KCNQ1: variants seen among roughly 807,000 people sequenced by gnomAD.
KCNQ1 encodes potassium voltage-gated channel subfamily KQT member 1.
Under a neutral mutation model 72.4 loss-of-function variants are expected in KCNQ1, and 49 were observed. That is an observed-to-expected ratio of 0.68 (90% confidence interval 0.54 to 0.86). The LOEUF (loss-of-function observed/expected upper bound fraction) is 0.86, where lower values mean the gene tolerates loss of function less well. Ranked by LOEUF, KCNQ1 falls within the 40% of genes least tolerant of loss-of-function variation. KCNQ1 has a pLI of 0.00. For missense variants in KCNQ1, 790 were observed against 945.1 expected, an observed-to-expected ratio of 0.84 and a Z score of 2.15; for synonymous variants, 450 against 412.6, an observed-to-expected ratio of 1.09 and a Z score of -1.10.
At chr11:2,812,985 A>G (rs1413482381) in intron 15 of KCNQ1, among the ~76,000 whole-genome samples, 2 of 152,088 alleles carry the variant, frequency 1.3e-5, no homozygotes, top group Non-Finnish European at 1.5e-5. Flanking sequence ...CCAGCCTCCA[A>G]TCCCTCATTA....
At position 2,624,612 on chromosome 11, in the gene KCNQ1, T is replaced by C. The variant is rs1849232797; in HGVS notation, c.1393+35758T>C. ...CATAAAAATTACCATCCTAACCAAT[T>C]TTAGTGTACAATTCAGTGAATGTAT... On this transcript the variant is annotated intron_variant, in intron 10 of 15. Coordinates refer to ENST00000155840, the MANE Select transcript of KCNQ1 (RefSeq NM_000218.3). The surrounding 1 kb of genome is among the most constrained non-coding windows in gnomAD (Gnocchi z 4.9). The C allele has an allele frequency of 2.5e-6, 1 of 398,408 alleles. No homozygotes were observed. The highest frequency in any genetic ancestry group is 2.1e-5 in the African/African-American group (1 of 48,608). 24.7% of individuals were successfully genotyped at this position (398,408 alleles called of 1,614,324 possible). A position where few individuals can be genotyped will look rare whatever the true frequency, so the allele number is the denominator to read the frequency against.
At chr11:2,733,459 G>T (rs1042061228) in intron 11 of KCNQ1, among the ~76,000 whole-genome samples, 7 of 152,152 alleles carry the variant, frequency 4.6e-5, no homozygotes, top group Non-Finnish European at 7.4e-5. Flanking sequence ...TCCCTGGGCG[G>T]TGTCAGGCAG....
At chr11:2,693,147 A>C (rs772572769) in intron 11 of KCNQ1, 100 of 398,468 alleles carry the variant, frequency 2.5e-4, no homozygotes, top group Admixed American at 4.0e-4. Context: ...GATAGCCCTC[A>C]GTCTACACTC....
intron 1 of KCNQ1, among the ~76,000 whole-genome samples, chr11:2,514,665 A>C (rs542533579): frequency 6.6e-6 from 1 of 152,330 alleles, no homozygotes; most frequent in South Asian, 2.1e-4. Context: ...TCTCTACTAA[A>C]AATACAAAAA....
Position 2,750,106 on chromosome 11 carries a change from G to C in KCNQ1, c.1515-18738G>C, listed in dbSNP as rs2133961896. ...CTGGGTGCAGGGGCATCTTGCTGGT[G>C]AAGCTGGGGAGAGACCTGCGCAACC... On this transcript the variant is annotated intron_variant, in intron 11 of 15. Coordinates refer to ENST00000155840, the MANE Select transcript of KCNQ1 (RefSeq NM_000218.3). The surrounding 1 kb of genome is among the most constrained non-coding windows in gnomAD (Gnocchi z 6.3). 6.6e-6 allele frequency among the ~76,000 whole-genome samples: 1 copy of C among 152,350 alleles called. No homozygotes were observed. The highest frequency in any genetic ancestry group is 2.1e-4 in the South Asian group (1 of 4,828).
In KCNQ1 at chr11:2,724,093, C is replaced by G. The variant is rs940172807; in HGVS notation, c.1515-44751C>G. Among the ~76,000 whole-genome samples the G allele has an allele frequency of 2.0e-5, 3 of 152,168 alleles. No individual in the cohort carries two copies. The highest frequency in any genetic ancestry group is 2.1e-4 in the South Asian group (1 of 4,810). Reference sequence around the variant, plus strand: ...CTCCGGTGGTGCCTGGGGGCCCAGGCTTTTGATAGAGAATCACATCTGGAC... The same window carrying G: ...CTCCGGTGGTGCCTGGGGGCCCAGGGTTTTGATAGAGAATCACATCTGGAC... On this transcript the variant is annotated intron_variant, in intron 11 of 15. Coordinates refer to ENST00000155840, the MANE Select transcript of KCNQ1 (RefSeq NM_000218.3). The surrounding 1 kb of genome is among the most constrained non-coding windows in gnomAD (Gnocchi z 6.8).
intron 11 of KCNQ1, among the ~76,000 whole-genome samples, chr11:2,751,883 A>C (rs1846231920): frequency 1.3e-5 from 2 of 152,178 alleles, no homozygotes; most frequent in East Asian, 3.9e-4. Context: ...GCTTTGCCCT[A>C]TTCCCCCCAT....
rs1236478718 is a variant in KCNQ1, at chr11:2,543,951, C to T, written c.477+15933C>T. ...GGACACTCTACTGTGATCCGTTGAT[C>T]TGTCCTTTTGCCAGTCACACACTGG... On this transcript the variant is annotated intron_variant, in intron 2 of 15. Coordinates refer to ENST00000155840, the MANE Select transcript of KCNQ1 (RefSeq NM_000218.3). The surrounding 1 kb of genome is among the most constrained non-coding windows in gnomAD (Gnocchi z 5.6). Among the ~76,000 whole-genome samples the T allele has an allele frequency of 6.6e-6, 1 of 152,182 alleles. No individual in the cohort carries two copies. Among genetic ancestry groups the T allele is most frequent in the Non-Finnish European group, 1.5e-5 (1 of 68,044 alleles).
intron 15 of KCNQ1, among the ~76,000 whole-genome samples, chr11:2,780,467 C>T (rs1564890886): frequency 6.6e-6 from 1 of 152,218 alleles, no homozygotes. Flanking sequence ...CCCTGCCAAC[C>T]CCAGCCAGAG....
intron 15 of KCNQ1, among the ~76,000 whole-genome samples, chr11:2,843,066 T>TG (rs908471833): frequency 1.3e-5 from 2 of 152,168 alleles, no homozygotes; most frequent in South Asian, 2.1e-4. Flanking sequence ...TGCAGCAGTG[T>TG]GGGGGGTTCT....
Position 2,768,966 on chromosome 11 carries a change from C to A in KCNQ1, c.1590+47C>A. ...CCTGCCCTCAGCCTGCCCCTCGCAG[C>A]CTGATGCAGCTGCCCACACCTCTCC... On this transcript the variant is annotated intron_variant, in intron 12 of 15. Transcript: ENST00000155840. This position sits in a 1 kb window ranked among gnomAD's most constrained non-coding sequence, Gnocchi z 6.7. 5 of 1,443,388 alleles carry A rather than the reference C, an allele frequency of 3.5e-6. No homozygotes were observed. The highest frequency in any genetic ancestry group is 2.3e-5 in the South Asian group (2 of 87,466). The allele number at this position is 1,443,388 out of a possible 1,614,324, so 89.4% of individuals were successfully genotyped here.
At position 2,595,032 on chromosome 11, in the gene KCNQ1, G is replaced by A. The variant is rs1311051416; in HGVS notation, c.1393+6178G>A. Reference sequence around the variant, plus strand: ...GAGAAGCTGCACTTTTGCTTGTACAGGGTGACCCAGTGAACCAATCCAGGA... The same window carrying A: ...GAGAAGCTGCACTTTTGCTTGTACAAGGTGACCCAGTGAACCAATCCAGGA... On this transcript the variant is annotated intron_variant, in intron 10 of 15. Transcript: ENST00000155840. The surrounding 1 kb of genome is among the most constrained non-coding windows in gnomAD (Gnocchi z 5.0). Among the ~76,000 whole-genome samples the A allele has an allele frequency of 6.6e-6, 1 of 152,148 alleles. No homozygotes were observed. Among genetic ancestry groups the A allele is most frequent in the Non-Finnish European group, 1.5e-5 (1 of 68,018 alleles).
In KCNQ1 at chr11:2,670,932, C is replaced by A. The variant is rs1250161529; in HGVS notation, c.1514+8851C>A. The A allele has an allele frequency of 1.3e-5, 5 of 398,556 alleles. No individual in the cohort carries two copies. Among genetic ancestry groups the A allele is most frequent in the Non-Finnish European group, 2.2e-5 (5 of 226,102 alleles). The allele number at this position is 398,556 out of a possible 1,614,324, so 24.7% of individuals were successfully genotyped here. A position where few individuals can be genotyped will look rare whatever the true frequency, so the allele number is the denominator to read the frequency against. ...CCTGCCCTCCCAGGATGCAAATTGG[C>A]AGGCCCAGCTTCATGCCTTCTTATG... On this transcript the variant is annotated intron_variant, in intron 11 of 15. Transcript: ENST00000155840. The surrounding 1 kb of genome is among the most constrained non-coding windows in gnomAD (Gnocchi z 4.9).
Position 2,776,074 on chromosome 11 carries a change from A to ACCCTCCCCGCTGCCGTTT in KCNQ1, c.1685+20_1685+21insCCCTCCCCGCTGCCGTTT. ...GAGGAGGTGGGCACGGCCAAACGGC[A>ACCCTCCCCGCTGCCGTTT]GCGGGGAGGGTGCCCAGGTCCTGCC... On this transcript the variant is annotated intron_variant, in intron 13 of 15. Coordinates refer to ENST00000155840, the MANE Select transcript of KCNQ1 (RefSeq NM_000218.3). 1 of 1,544,324 alleles carries ACCCTCCCCGCTGCCGTTT rather than the reference A, an allele frequency of 6.5e-7. No individual in the cohort carries two copies. The highest frequency in any genetic ancestry group is 8.8e-7 in the Non-Finnish European group (1 of 1,142,438).
rs930587850 is a variant in KCNQ1, at chr11:2,713,315, C to T, written c.1514+51234C>T. Among the ~76,000 whole-genome samples the T allele has an allele frequency of 6.6e-6, 1 of 152,166 alleles. No homozygotes were observed. Among genetic ancestry groups the T allele is most frequent in the Non-Finnish European group, 1.5e-5 (1 of 68,034 alleles). ...CACTGCGCTTCTCAGGCCTTCTGGG[C>T]TCTTCCTCTGCTGCTCGCCATAAAA... is the stretch of plus-strand genomic sequence containing the variant. On this transcript the variant is annotated intron_variant, in intron 11 of 15. Coordinates refer to ENST00000155840, the MANE Select transcript of KCNQ1 (RefSeq NM_000218.3). The surrounding 1 kb of genome is among the most constrained non-coding windows in gnomAD (Gnocchi z 5.6).
rs1055084770 is a variant in KCNQ1 at position 2,508,964 on chromosome 11, C to T, written c.387-18964C>T. ...TGTAGAGCTCCAGCTGGATGAGGGC[C>T]GTGGGGAAGGGGCACAGCCCTGGGC... On this transcript the variant is annotated intron_variant, in intron 1 of 15. Coordinates refer to ENST00000155840, the MANE Select transcript of KCNQ1 (RefSeq NM_000218.3). The surrounding 1 kb of genome is among the most constrained non-coding windows in gnomAD (Gnocchi z 6.2). 8.5e-5 allele frequency among the ~76,000 whole-genome samples: 13 copies of T among 152,106 alleles called. No individual in the cohort carries two copies. The highest frequency in any genetic ancestry group is 4.4e-5 in the Non-Finnish European group (3 of 68,012).
rs530865565 is a variant in KCNQ1, at chr11:2,683,114, C to T, written c.1514+21033C>T. 4 of 356,950 alleles carry T rather than the reference C, an allele frequency of 1.1e-5. No individual in the cohort carries two copies. Among genetic ancestry groups the T allele is most frequent in the East Asian group, 4.1e-5 (1 of 24,674 alleles). The allele number at this position is 356,950 out of a possible 1,614,324, so 22.1% of individuals were successfully genotyped here. A position where few individuals can be genotyped will look rare whatever the true frequency, so the allele number is the denominator to read the frequency against. ...AGATTTTCTTGTTCCCAGGATATAT[C>T]GCACCAACTCAGGAGGGTGTGGGGA... On this transcript the variant is annotated intron_variant, in intron 11 of 15. Transcript: ENST00000155840. The surrounding 1 kb of genome is among the most constrained non-coding windows in gnomAD (Gnocchi z 4.7).
In KCNQ1 at chr11:2,787,603, C is replaced by T. The variant is rs956574848; in HGVS notation, c.1794+9566C>T. Among the ~76,000 whole-genome samples, 4 of 151,908 alleles carry T rather than the reference C, an allele frequency of 2.6e-5. No homozygotes were observed. The highest frequency in any genetic ancestry group is 9.7e-5 in the African/African-American group (4 of 41,338). On this transcript the variant is annotated intron_variant, in intron 15 of 15. Transcript: ENST00000155840. The surrounding 1 kb of genome is among the most constrained non-coding windows in gnomAD (Gnocchi z 6.3). Reference sequence around the variant, plus strand: ...ATTACAATAATATATTTTATTTAACCCAATAGATCCAAAATATCATTTCAA... The same window carrying T: ...ATTACAATAATATATTTTATTTAACTCAATAGATCCAAAATATCATTTCAA...
chr11:2,588,350 C>T lies in KCNQ1; in HGVS notation c.1252-363C>T, dbSNP rs1045129913. ...ACACAGCCTGCTCCCTCACTTCAGGCGCCCTCTTCATGCCCTGCTGGCCCC... is the reference window on the plus strand; with the variant it reads ...ACACAGCCTGCTCCCTCACTTCAGGTGCCCTCTTCATGCCCTGCTGGCCCC... On this transcript the variant is annotated intron_variant, in intron 9 of 15. Transcript: ENST00000155840. This position sits in a 1 kb window ranked among gnomAD's most constrained non-coding sequence, Gnocchi z 5.6. Among the ~76,000 whole-genome samples, 9 of 152,208 alleles carry T rather than the reference C, an allele frequency of 5.9e-5. No individual in the cohort carries two copies. The highest frequency in any genetic ancestry group is 1.9e-4 in the East Asian group (1 of 5,198).
Sources: gnomAD v4.1 joint callset for allele counts (sites outside exome capture counted in the v4.1 genomes callset) on GRCh38, gnomAD v4.1.1 for gene constraint, Gnocchi (gnomAD v3.1) non-coding constraint, MANE v1.5 for transcripts, NCBI Gene and HGNC (gene_info 2026-07-23, HGNC 2026-07-21) for gene names.